CLYBL: variants seen among roughly 807,000 people sequenced by gnomAD.
The protein encoded by CLYBL is citramalyl-CoA lyase, mitochondrial.
Under a neutral mutation model 38.9 loss-of-function variants are expected in CLYBL, and 31 were observed. That is an observed-to-expected ratio of 0.80 (90% CI 0.60 to 1.08). The LOEUF (loss-of-function observed/expected upper bound fraction) is 1.08, where lower values mean the gene tolerates loss of function less well. Among genes scored for constraint, CLYBL ranks in the 50% least tolerant of loss-of-function variants. The pLI is 0.00. For missense variants in CLYBL, 434 were observed against 411.6 expected, an observed-to-expected ratio of 1.05 and a Z score of -0.47; for synonymous variants, 171 against 158.6, an observed-to-expected ratio of 1.08 and a Z score of -0.59.
intron 2 of CLYBL, among the ~76,000 whole-genome samples, chr13:99,831,708 C>T (rs892650564): frequency 6.6e-6 from 1 of 151,208 alleles, no homozygotes; most frequent in Non-Finnish European, 1.5e-5. Flanking sequence ...TTGAGTGAAC[C>T]ACCATTTTCT....
At position 99,735,011 on chromosome 13, in the gene CLYBL, A is replaced by G. The variant is rs1043720209; in HGVS notation, c.63-37813A>G. Among the ~76,000 whole-genome samples the G allele has an allele frequency of 4.6e-5, 7 of 152,160 alleles. 1 individual carries two copies. In the South Asian group the frequency reaches 6.2e-4, roughly 14 times the overall value. On this transcript the variant is annotated intron_variant, in intron 1 of 8. Coordinates refer to ENST00000339105, the MANE Select transcript of CLYBL (RefSeq NM_206808.5). The stretch of plus-strand genomic sequence containing the variant: ...ACCAGCGCATATATAACATCTTCCC[A>G]TTTGTCTCTCAGCCCGCAAAGTCTG...
intron 2 of CLYBL, among the ~76,000 whole-genome samples, chr13:99,809,443 G>A (rs2050296997): frequency 6.6e-6 from 1 of 152,228 alleles, no homozygotes. Context: ...TTGGATGGCA[G>A]CATCAAGATT....
intron 1 of CLYBL, among the ~76,000 whole-genome samples, chr13:99,740,369 G>C (rs1280242395): frequency 2.0e-5 from 3 of 152,208 alleles, no homozygotes; most frequent in Non-Finnish European, 4.4e-5. Context: ...GCAGGGCAAT[G>C]ATGTCTGTAA....
chr13:99,822,364 G>A (rs2050604888), intron 2 of CLYBL, among the ~76,000 whole-genome samples: 1 of 152,194 alleles, frequency 6.6e-6, no homozygotes, highest in Admixed American at 6.5e-5. Context: ...GCTTAAAACT[G>A]GGACAGGATC....
intron 1 of CLYBL, among the ~76,000 whole-genome samples, chr13:99,685,209 G>C (rs2047798862): frequency 6.6e-6 from 1 of 152,036 alleles, no homozygotes; most frequent in Non-Finnish European, 1.5e-5. Context: ...CAGCATTTCT[G>C]GTACATTTAC....
intron 1 of CLYBL, among the ~76,000 whole-genome samples, chr13:99,725,048 G>C (rs1246954525): frequency 6.6e-6 from 1 of 152,204 alleles, no homozygotes; most frequent in East Asian, 1.9e-4. Context: ...GAGGCTGAAA[G>C]TTCTTGATGC....
intron 1 of CLYBL, among the ~76,000 whole-genome samples, chr13:99,721,445 T>C (rs1188554062): frequency 1.3e-5 from 2 of 151,472 alleles, no homozygotes; most frequent in Admixed American, 1.3e-4. Flanking sequence ...TTCAAATTAA[T>C]TTTTCTTTTT....
intron 1 of CLYBL, chr13:99,643,148 C>T (rs982675861): frequency 6.5e-6 from 1 of 152,930 alleles, no homozygotes; most frequent in African/African-American, 2.4e-5. Flanking sequence ...TAGGTCTGTA[C>T]CAAGACCAAG....
intron 2 of CLYBL, among the ~76,000 whole-genome samples, chr13:99,791,442 A>G (rs1742868555): frequency 6.6e-6 from 1 of 152,186 alleles, no homozygotes; most frequent in African/African-American, 2.4e-5. Flanking sequence ...AGTAATTAGT[A>G]TGTCCCTTAA....
intron 1 of CLYBL, among the ~76,000 whole-genome samples, chr13:99,746,594 A>G (rs148308534): frequency 1.5e-3 from 221 of 152,296 alleles, no homozygotes; most frequent in African/African-American, 5.1e-3. Flanking sequence ...AATGTTCCTC[A>G]TTGGCCAGTA....
intron 2 of CLYBL, among the ~76,000 whole-genome samples, chr13:99,787,609 A>G (rs928923396): frequency 6.6e-6 from 1 of 152,110 alleles, no homozygotes; most frequent in African/African-American, 2.4e-5. Flanking sequence ...GTAGCCTTGT[A>G]GTATAGTTTG....
chr13:99,804,808 A>G (rs764246222), intron 2 of CLYBL, among the ~76,000 whole-genome samples: 4 of 152,226 alleles, frequency 2.6e-5, no homozygotes, highest in Non-Finnish European at 4.4e-5. Context: ...TTTTAACTGT[A>G]TAGTTCAGTG....
chr13:99,829,439 C>T (rs1329897607), intron 2 of CLYBL, among the ~76,000 whole-genome samples: 1 of 152,136 alleles, frequency 6.6e-6, no homozygotes, highest in Non-Finnish European at 1.5e-5. Flanking sequence ...CCAGAAAATG[C>T]CTCTCTCATG....
chr13:99,889,079 A>G (rs2052422591), intron 7 of CLYBL, among the ~76,000 whole-genome samples: 1 of 152,210 alleles, frequency 6.6e-6, no homozygotes, highest in African/African-American at 2.4e-5. Context: ...ACCATAGAAG[A>G]AATAATCTCC....
intron 1 of CLYBL, among the ~76,000 whole-genome samples, chr13:99,615,777 C>T (rs1379437004): frequency 6.6e-6 from 1 of 152,106 alleles, no homozygotes; most frequent in Admixed American, 6.5e-5. Flanking sequence ...TTTCTCACCC[C>T]ATCCTCCCTA....
intron 1 of CLYBL, among the ~76,000 whole-genome samples, chr13:99,680,206 C>T (rs1361567475): frequency 6.6e-6 from 1 of 152,164 alleles, no homozygotes; most frequent in Non-Finnish European, 1.5e-5. Flanking sequence ...CACACATTCA[C>T]AGGTTAGTAT....
At chr13:99,692,177 C>T (rs115528626) in intron 1 of CLYBL, among the ~76,000 whole-genome samples, 1 of 152,278 alleles carries the variant, frequency 6.6e-6, no homozygotes, top group Admixed American at 6.5e-5. Flanking sequence ...TATGCCAGCC[C>T]TGCCCCTTAG....
intron 1 of CLYBL, among the ~76,000 whole-genome samples, chr13:99,635,488 C>T (rs1355962340): frequency 6.6e-6 from 1 of 152,154 alleles, no homozygotes; most frequent in Non-Finnish European, 1.5e-5. Flanking sequence ...TCAGCCTCCC[C>T]TTCCACATGT....
chr13:99,803,721 T>G (rs142769111), intron 2 of CLYBL, among the ~76,000 whole-genome samples: 1 of 152,258 alleles, frequency 6.6e-6, no homozygotes, highest in African/African-American at 2.4e-5. Flanking sequence ...GGTTCACTTG[T>G]TGATCTGGGG....
Sources: allele counts gnomAD v4.1 joint callset (sites outside exome capture counted in the v4.1 genomes callset), GRCh38; gene constraint gnomAD v4.1.1; transcripts MANE v1.5; gene names NCBI Gene and HGNC (gene_info 2026-07-23, HGNC 2026-07-21).